The following UBAP2L variants were observed in gnomAD, a reference collection of about 807,000 sequenced individuals.
The protein encoded by UBAP2L is ubiquitin-associated protein 2-like.
Under a neutral mutation model 130.6 loss-of-function variants are expected in UBAP2L, and 12 were observed. That is an observed-to-expected ratio of 0.09 (90% CI 0.06 to 0.15). UBAP2L has a LOEUF of 0.15. Among genes scored for constraint, UBAP2L ranks in the 10% least tolerant of loss-of-function variants. The pLI is 1.00. For missense variants in UBAP2L, 965 were observed against 1,332.5 expected (o/e 0.72, Z 4.29); for synonymous variants, 503 against 524.7 (o/e 0.96, Z 0.57).
chr1:154,246,255 T>G lies in UBAP2L; in HGVS notation c.894T>G (p.Asp298Glu). 6.2e-7 allele frequency: 1 copy of G among 1,613,742 alleles called. No homozygotes were observed. The highest frequency in any genetic ancestry group is 8.5e-7 in the Non-Finnish European group (1 of 1,179,828). ...AGACACCATCTACAATGGAGAATGA[T>G]TCATCTAATCTGGATCCGTCTCAGG... ...LGKTPSTMEN[D>E]SSNLDPSQAP... The change falls in exon 11 of 27, where the codon GAT (aspartate) becomes GAG (glutamate). Residue 298 changes from aspartate (D) to glutamate (E), a missense_variant. Coordinates refer to ENST00000428931, the MANE Select transcript of UBAP2L (RefSeq NM_014847.4).
At chr1:154,233,651 C>CTG (rs61695071) in intron 4 of UBAP2L, among the ~76,000 whole-genome samples, 47,459 of 145,974 alleles carry the variant, frequency 0.33, 8,819 homozygotes, top group Admixed American at 0.47. Flanking sequence ...AATGAAATTG[C>CTG]TGTGTGTGTG....
At chr1:154,233,903 A>G (rs1236584802) in intron 4 of UBAP2L, among the ~76,000 whole-genome samples, 1 of 151,662 alleles carries the variant, frequency 6.6e-6, no homozygotes, top group Non-Finnish European at 1.5e-5. Flanking sequence ...AGGAAATAAC[A>G]CTTGAAAGAT....
At chr1:154,258,791 C>A in intron 20 of UBAP2L, 186 bp from the exon 21 acceptor site, 1 of 534,056 alleles carries the variant, frequency 1.9e-6, no homozygotes, top group Non-Finnish European at 3.4e-6. Context: ...CAAGACCTTT[C>A]ATGAATCATT....
At chr1:154,253,223 C>T (rs961375684) in intron 14 of UBAP2L, among the ~76,000 whole-genome samples, 2 of 150,882 alleles carry the variant, frequency 1.3e-5, no homozygotes, top group African/African-American at 4.9e-5. Context: ...AGGCTGGTCT[C>T]GATCTCCTGA....
chr1:154,244,380 T>C (rs974725103), intron 10 of UBAP2L, among the ~76,000 whole-genome samples: 1 of 152,186 alleles, frequency 6.6e-6, no homozygotes, highest in African/African-American at 2.4e-5. Context: ...TTTTTTTGTT[T>C]TTGTTTTTGA....
intron 20 of UBAP2L, 75 bp downstream of exon 20, chr1:154,257,509 T>G (rs1342353784): frequency 5.9e-6 from 9 of 1,526,022 alleles, no homozygotes; most frequent in Non-Finnish European, 7.2e-6. Context: ...TGGCTTCAGA[T>G]GGACCCCTGT....
At position 154,233,388 on chromosome 1, in the gene UBAP2L, G is replaced by A. The variant is rs553947559; in HGVS notation, c.280-1203G>A. 6.6e-5 allele frequency among the ~76,000 whole-genome samples: 10 copies of A among 151,204 alleles called. No individual in the cohort carries two copies. In the East Asian group the frequency reaches 9.7e-4, roughly 15 times the overall value. ...AGGCTAGAGTGCAGTGGTGTGGTGC[G>A]ATCTTGCGTCATTGCAACCTCCACC... is the stretch of plus-strand genomic sequence containing the variant. On this transcript the variant is annotated intron_variant, in intron 4 of 26. Transcript: ENST00000428931.
intron 3 of UBAP2L, among the ~76,000 whole-genome samples, chr1:154,228,189 GT>G (rs1221034383): frequency 1.2e-4 from 17 of 145,470 alleles, no homozygotes; most frequent in South Asian, 2.2e-4. Flanking sequence ...TTTCTTTTTT[GT>G]TTTTTTTTTT....
upstream of UBAP2L, chr1:154,220,454 T>G: frequency 1.2e-6 from 2 of 1,608,732 alleles, no homozygotes; most frequent in Non-Finnish European, 1.7e-6. Context: ...CCCGCTGTCC[T>G]GGCTGGTCAG....
chr1:154,235,658 C>A (rs992420257), intron 6 of UBAP2L, among the ~76,000 whole-genome samples: 1 of 152,168 alleles, frequency 6.6e-6, no homozygotes, highest in Admixed American at 6.5e-5. Context: ...TACAAGCGTG[C>A]GTCACTACGC....
At position 154,255,248 on chromosome 1, in the gene UBAP2L, C is replaced by A. The variant is rs746510225; in HGVS notation, c.2006C>A (p.Thr669Asn). 3 of 1,614,200 alleles carry A rather than the reference C, an allele frequency of 1.9e-6. No individual in the cohort carries two copies. The highest frequency in any genetic ancestry group is 1.7e-5 in the Admixed American group (1 of 60,024). The stretch of plus-strand genomic sequence containing the variant: ...TCTGCAGCTTCCTTACTGACGACAA[C>A]CAATCAGCATTCATCCTCCTTGGGT... ...TVSAASLLTT[T>N]NQHSSSLGGL... The change falls in exon 17 of 27, where the codon ACC (threonine) becomes AAC (asparagine). Residue 669 changes from threonine (T) to asparagine (N), a missense_variant. Physicochemically the swap from Thr to Asn is moderately conservative, Grantham distance 65. This residue lies in a region of UBAP2L where 393 missense variants were observed against 408.1 expected (regional missense o/e 0.96). Transcript: ENST00000428931.
upstream of UBAP2L, chr1:154,220,178 G>T: frequency 1.1e-6 from 1 of 913,312 alleles, no homozygotes; most frequent in Non-Finnish European, 1.8e-6. Context: ...GGGCGGGTCG[G>T]CCCGACTAAG....
At chr1:154,241,797 T>C in intron 9 of UBAP2L, 1 of 984,796 alleles carries the variant, frequency 1.0e-6, no homozygotes, top group Non-Finnish European at 1.2e-6. Context: ...AGTGCACTTG[T>C]GTAAGTCCAA....
Position 154,246,455 on chromosome 1 carries a change from T to A in UBAP2L, c.1014+80T>A, listed in dbSNP as rs878907890. 5.4e-6 allele frequency: 8 copies of A among 1,483,994 alleles called. No homozygotes were observed. The South Asian group carries it at 1.1e-4, about 20-fold the overall frequency. The allele number at this position is 1,483,994 out of a possible 1,614,324, so 91.9% of individuals were successfully genotyped here. On this transcript the variant is annotated intron_variant, in intron 11 of 26. Coordinates refer to ENST00000428931, the MANE Select transcript of UBAP2L (RefSeq NM_014847.4). ...CATACACAGTTCCTTCCAAAGACAG[T>A]CAGGTTTTTGGCAGGTGAAGCATCC...
intron 8 of UBAP2L, among the ~76,000 whole-genome samples, chr1:154,239,349 A>G (rs1290793577): frequency 6.6e-6 from 1 of 152,066 alleles, no homozygotes; most frequent in East Asian, 1.9e-4. Context: ...CCAGGTGCCT[A>G]ACTGCCCCAG....
chr1:154,229,879 A>T (rs1408322703), intron 4 of UBAP2L, among the ~76,000 whole-genome samples: 1 of 152,128 alleles, frequency 6.6e-6, no homozygotes, highest in Non-Finnish European at 1.5e-5. Flanking sequence ...TTCTTGAGTC[A>T]GAGTCTTGCT....
intron 12 of UBAP2L, among the ~76,000 whole-genome samples, chr1:154,250,112 C>CCGGA (rs1677020855): frequency 6.6e-6 from 1 of 152,170 alleles, no homozygotes; most frequent in African/African-American, 2.4e-5. Flanking sequence ...GTCATCCAGA[C>CCGGA]CGGAGTACAG....
At chr1:154,251,359 G>A (rs377578135) in intron 13 of UBAP2L, 41 bp downstream of exon 13, 4 of 1,587,706 alleles carry the variant, frequency 2.5e-6, no homozygotes, top group East Asian at 4.5e-5. Flanking sequence ...ATGGCAAGGG[G>A]TGTGGGGCTT....
rs529677422 is a variant in UBAP2L, at chr1:154,225,874, C to T, written c.90+661C>T. Among the ~76,000 whole-genome samples the T allele has an allele frequency of 1.2e-3, 190 of 152,206 alleles. 1 individual carries two copies. Among genetic ancestry groups the T allele is most frequent in the Non-Finnish European group, 2.1e-3 (143 of 68,036 alleles). On this transcript the variant is annotated intron_variant, in intron 2 of 26. Transcript: ENST00000428931. ...TGTTGCCCAGGCTTGAGTGCAATGG[C>T]GCCACTTCGGCTCACTGCAACCTCT...
Sources: allele counts gnomAD v4.1 joint callset (sites outside exome capture counted in the v4.1 genomes callset), GRCh38; gene constraint gnomAD v4.1.1; regional missense constraint gnomAD v4.1.1; transcripts MANE v1.5; gene names NCBI Gene and HGNC (gene_info 2026-07-23, HGNC 2026-07-21).